The following SLC8A1 variants were observed in gnomAD, a reference collection of about 807,000 sequenced individuals.
SLC8A1 encodes the protein sodium/calcium exchanger 1.
Under a neutral mutation model 68.3 loss-of-function variants are expected in SLC8A1, and 18 were observed. The observed-to-expected ratio is 0.26, with a 90% CI of 0.18 to 0.39. The LOEUF is 0.39. Among genes scored for constraint, SLC8A1 ranks in the 10% least tolerant of loss-of-function variants. SLC8A1 has a pLI of 1.00. For missense variants in SLC8A1, 985 were observed against 1,156.7 expected, an observed-to-expected ratio of 0.85 and a Z score of 2.15; for synonymous variants, 475 against 415.5, an observed-to-expected ratio of 1.14 and a Z score of -1.74.
chr2:40,442,457 G>A (rs1233742362), intron 1 of SLC8A1, among the ~76,000 whole-genome samples: 4 of 148,550 alleles, frequency 2.7e-5, no homozygotes, highest in East Asian at 2.0e-4. Flanking sequence ...ATGAACAGAC[G>A]CTTATCAAAA....
intron 1 of SLC8A1, among the ~76,000 whole-genome samples, chr2:40,436,983 T>C (rs895024632): frequency 3.3e-5 from 5 of 152,132 alleles, no homozygotes; most frequent in African/African-American, 1.2e-4. Context: ...ACTGAGCATC[T>C]ACTTGTCCCA....
chr2:40,163,926 A>T (rs1010984303), intron 5 of SLC8A1, among the ~76,000 whole-genome samples: 6 of 152,262 alleles, frequency 3.9e-5, no homozygotes, highest in African/African-American at 1.4e-4. Flanking sequence ...ATAAAATCTG[A>T]AACTTCTAAA....
chr2:40,487,182 C>T (rs1336517654), intron 1 of SLC8A1, among the ~76,000 whole-genome samples: 1 of 152,086 alleles, frequency 6.6e-6, no homozygotes, highest in Non-Finnish European at 1.5e-5. Flanking sequence ...ATTACCAAGT[C>T]AGCAGTGGTG....
chr2:40,475,590 T>C lies in SLC8A1; in HGVS notation c.-25+36759A>G, dbSNP rs1704243575. ...CCCATTATGCATTAACATAAATACA[T>C]ATGTACATGACATATGTACATGTAC... On this transcript the variant is annotated intron_variant, in intron 1 of 7. Coordinates refer to the SLC8A1 transcript ENST00000402441. Among the ~76,000 whole-genome samples, 4 of 152,078 alleles carry C rather than the reference T, an allele frequency of 2.6e-5. No individual in the cohort carries two copies. The South Asian group carries it at 8.3e-4, about 32-fold the overall frequency.
chr2:40,130,314 T>G (rs1424059120), intron 7 of SLC8A1, among the ~76,000 whole-genome samples: 1 of 152,248 alleles, frequency 6.6e-6, no homozygotes, highest in Admixed American at 6.5e-5. Flanking sequence ...GTTGCTAGCC[T>G]TCTTTTGTTT....
intron 1 of SLC8A1, among the ~76,000 whole-genome samples, chr2:40,461,045 AT>A (rs906061943): frequency 6.6e-6 from 1 of 152,064 alleles, no homozygotes; most frequent in Non-Finnish European, 1.5e-5. Flanking sequence ...GAATATAGCC[AT>A]TTTTTTCTTT....
chr2:40,145,976 T>C (rs1478747560), intron 6 of SLC8A1, among the ~76,000 whole-genome samples: 4 of 152,234 alleles, frequency 2.6e-5, no homozygotes, highest in African/African-American at 7.2e-5. Flanking sequence ...TCTCTTTTTT[T>C]TGTATTTTGG....
chr2:40,259,156 G>C (rs1432496845), intron 2 of SLC8A1, among the ~76,000 whole-genome samples: 1 of 152,124 alleles, frequency 6.6e-6, no homozygotes, highest in Non-Finnish European at 1.5e-5. Context: ...GGACCCTAGA[G>C]GTAATAGAAT....
intron 7 of SLC8A1, among the ~76,000 whole-genome samples, chr2:40,126,035 G>C (rs1445924483): frequency 6.6e-6 from 1 of 152,164 alleles, no homozygotes; most frequent in Non-Finnish European, 1.5e-5. Context: ...GTCAGGGTGA[G>C]GAAACGGAAG....
intron 2 of SLC8A1, among the ~76,000 whole-genome samples, chr2:40,412,720 AG>A (rs904924712): frequency 1.8e-4 from 27 of 152,308 alleles, no homozygotes; most frequent in African/African-American, 5.8e-4. Context: ...AAAATTGCAA[AG>A]GCATGAGTCA....
At chr2:40,366,927 G>A (rs80005236) in intron 2 of SLC8A1, among the ~76,000 whole-genome samples, 8,840 of 152,006 alleles carry the variant, frequency 0.058, 318 homozygotes, top group African/African-American at 0.095. Flanking sequence ...CCTCTGAACA[G>A]GATTTCATCT....
chr2:40,321,237 T>C (rs2075147219), intron 2 of SLC8A1, among the ~76,000 whole-genome samples: 1 of 152,164 alleles, frequency 6.6e-6, no homozygotes, highest in African/African-American at 2.4e-5. Context: ...TAGCATCTCA[T>C]GGACAAACAT....
chr2:40,353,191 TG>T (rs1671654896), intron 2 of SLC8A1, among the ~76,000 whole-genome samples: 1 of 152,230 alleles, frequency 6.6e-6, no homozygotes, highest in African/African-American at 2.4e-5. Context: ...GAACTTTTTC[TG>T]GAAGCATTCT....
chr2:40,411,715 T>C (rs1692213490), intron 2 of SLC8A1, among the ~76,000 whole-genome samples: 1 of 152,060 alleles, frequency 6.6e-6, no homozygotes, highest in Non-Finnish European at 1.5e-5. Flanking sequence ...ATTCATATAA[T>C]GAAAACTTCT....
intron 2 of SLC8A1, among the ~76,000 whole-genome samples, chr2:40,336,507 T>C (rs1242754714): frequency 6.6e-6 from 1 of 152,124 alleles, no homozygotes; most frequent in Non-Finnish European, 1.5e-5. Flanking sequence ...GAGTTCCAGA[T>C]AAATCTTATT....
intron 2 of SLC8A1, among the ~76,000 whole-genome samples, chr2:40,294,219 A>AT (rs1351401003): frequency 1.3e-5 from 2 of 152,052 alleles, no homozygotes; most frequent in East Asian, 1.9e-4. Context: ...ATGCAGCATC[A>AT]TTTTTTTAAG....
chr2:40,395,121 C>G (rs1686505119), intron 2 of SLC8A1, among the ~76,000 whole-genome samples: 3 of 152,144 alleles, frequency 2.0e-5, no homozygotes. Context: ...TTACCTTAAT[C>G]TACTTACTTC....
intron 1 of SLC8A1, among the ~76,000 whole-genome samples, chr2:40,495,585 G>T (rs1007931327): frequency 6.6e-6 from 1 of 151,972 alleles, no homozygotes; most frequent in Non-Finnish European, 1.5e-5. Context: ...AAATCAACAC[G>T]AACAATGAGA....
chr2:40,124,932 AT>A lies in SLC8A1; in HGVS notation c.2438-9304del, dbSNP rs1211752700. The stretch of plus-strand genomic sequence containing the variant: ...ATATTTGCTATATATCTGTATACAC[AT>A]TTTTTGTGCAATTTACTTAAATGTC... On this transcript the variant is annotated intron_variant, in intron 7 of 7. Coordinates refer to ENST00000406785, the Ensembl canonical transcript of SLC8A1. 5.9e-5 allele frequency among the ~76,000 whole-genome samples: 9 copies of A among 152,306 alleles called. No homozygotes were observed. The East Asian group carries it at 1.7e-3, about 29-fold the overall frequency.
Sources: allele counts gnomAD v4.1 joint callset (sites outside exome capture counted in the v4.1 genomes callset), GRCh38; gene constraint gnomAD v4.1.1; transcripts MANE v1.5; gene names NCBI Gene and HGNC (gene_info 2026-07-23, HGNC 2026-07-21).